Variants in PPP1R21 observed in about 807,000 individuals in gnomAD.
The protein encoded by PPP1R21 is KLRAQ motif containing 1.
A neutral mutation model predicts 112.8 loss-of-function variants in PPP1R21; 85 were observed. That is an observed-to-expected ratio of 0.75 (90% CI 0.63 to 0.90). The LOEUF (loss-of-function observed/expected upper bound fraction) is 0.90, where lower values mean the gene tolerates loss of function less well. Among genes scored for constraint, PPP1R21 ranks in the 40% least tolerant of loss-of-function variants. The pLI is 0.00. For missense variants in PPP1R21, 1,199 were observed against 901.5 expected (o/e 1.33, Z -4.23); for synonymous variants, 381 against 322.3 (o/e 1.18, Z -1.95).
intron 21 of PPP1R21, among the ~76,000 whole-genome samples, chr2:48,514,249 C>A (rs1424985599): frequency 6.6e-6 from 1 of 151,854 alleles, no homozygotes; most frequent in East Asian, 1.9e-4. Flanking sequence ...CCATGCCCGG[C>A]TAATTTTTTT....
chr2:48,447,514 C>T (rs1468639394), intron 1 of PPP1R21, among the ~76,000 whole-genome samples: 1 of 152,170 alleles, frequency 6.6e-6, no homozygotes, highest in Non-Finnish European at 1.5e-5. Flanking sequence ...TCAGTTATGT[C>T]ATATGCATTG....
At chr2:48,441,204 G>C (rs1667013449) in intron 1 of PPP1R21, 194 bp downstream of exon 1, 8 of 607,572 alleles carry the variant, frequency 1.3e-5, no homozygotes, top group Non-Finnish European at 1.2e-5. Flanking sequence ...GGCGGTGTCT[G>C]CGTCCGTGAG....
At chr2:48,483,615 T>C (rs2103906650) in intron 13 of PPP1R21, among the ~76,000 whole-genome samples, 2 of 152,330 alleles carry the variant, frequency 1.3e-5, no homozygotes, top group South Asian at 4.1e-4. Flanking sequence ...TTTAGCAAAG[T>C]AGTGCACATA....
Position 48,459,980 on chromosome 2 carries a change from T to C in PPP1R21, c.540+62T>C. The C allele has an allele frequency of 2.5e-6, 4 of 1,591,310 alleles. No individual in the cohort carries two copies. In the Middle Eastern group the frequency reaches 6.7e-4, roughly 266 times the overall value. On this transcript the variant is annotated intron_variant, in intron 5 of 21. Transcript: ENST00000294952. ...ACAGCTTTTGTATTAATAAATTGTCTATCCACTTAGAGTTAGTCATTTCTG... is the reference window on the plus strand; with the variant it reads ...ACAGCTTTTGTATTAATAAATTGTCCATCCACTTAGAGTTAGTCATTTCTG...
Position 48,458,878 on chromosome 2 carries a change from G to A in PPP1R21, c.375+651G>A, listed in dbSNP as rs559968942. 4.3e-3 allele frequency among the ~76,000 whole-genome samples: 656 copies of A among 152,112 alleles called. 2 individuals are homozygous for A. Among genetic ancestry groups the A allele is most frequent in the South Asian group, 0.012 (57 of 4,820 alleles). On this transcript the variant is annotated intron_variant, in intron 4 of 21. Coordinates refer to ENST00000294952, the MANE Select transcript of PPP1R21 (RefSeq NM_001135629.3). ...GAGGCCAAGGTGGGCGGATCACGAG[G>A]TCAGGAGATCGAGACCATCCTGGCT...
intron 13 of PPP1R21, among the ~76,000 whole-genome samples, chr2:48,483,468 C>T (rs76398101): frequency 8.9e-4 from 135 of 152,230 alleles, no homozygotes; most frequent in Non-Finnish European, 1.4e-3. Context: ...TAGGCGTGAG[C>T]CACTGCACCT....
intron 2 of PPP1R21, among the ~76,000 whole-genome samples, chr2:48,452,768 A>G (rs1667534112): frequency 1.3e-5 from 2 of 152,052 alleles, no homozygotes; most frequent in Admixed American, 6.6e-5. Context: ...TAGTTTGGAC[A>G]TGGGCTAGGC....
chr2:48,463,356 C>T (rs537292784), intron 7 of PPP1R21, among the ~76,000 whole-genome samples: 217 of 152,182 alleles, frequency 1.4e-3, no homozygotes, highest in African/African-American at 5.1e-3. Flanking sequence ...GTGGAGAGGT[C>T]AGAGGGTGAT....
At chr2:48,444,461 C>G (rs1422597438) in intron 1 of PPP1R21, among the ~76,000 whole-genome samples, 3 of 152,232 alleles carry the variant, frequency 2.0e-5, no homozygotes, top group Admixed American at 6.5e-5. Context: ...TTCTGATGCT[C>G]TGTTGTATCT....
chr2:48,468,156 C>G (rs1165015160), intron 9 of PPP1R21, among the ~76,000 whole-genome samples: 2 of 152,140 alleles, frequency 1.3e-5, no homozygotes, highest in African/African-American at 2.4e-5. Flanking sequence ...GTTTTCTCAT[C>G]TTTAAAATGG....
Position 48,495,491 on chromosome 2 carries a change from C to T in PPP1R21, c.1600-188C>T, listed in dbSNP as rs191702449. On this transcript the variant is annotated intron_variant, in intron 15 of 21. Coordinates refer to ENST00000294952, the MANE Select transcript of PPP1R21 (RefSeq NM_001135629.3). ...TGCTGGGATTATAGGTGTGAGCCACCGCGCCCAGGCTATTATTTTTCTTTT... is the reference window on the plus strand; with the variant it reads ...TGCTGGGATTATAGGTGTGAGCCACTGCGCCCAGGCTATTATTTTTCTTTT... Among the ~76,000 whole-genome samples the T allele has an allele frequency of 1.6e-4, 24 of 152,230 alleles. No individual in the cohort carries two copies. In the East Asian group the frequency reaches 2.9e-3, roughly 18 times the overall value.
chr2:48,459,774 G>C lies in PPP1R21; in HGVS notation c.396G>C (p.Gln132His). The C allele has an allele frequency of 6.2e-7, 1 of 1,613,804 alleles. No individual in the cohort carries two copies. Among genetic ancestry groups the C allele is most frequent in the Non-Finnish European group, 8.5e-7 (1 of 1,180,010 alleles). ...TTTAGTTTTTTGAAGCTGATGAGCA[G>C]CACAAGCATGTGGAAGCAGAGCTGA... Reference protein sequence around the residue: ...LHIQFFEADEQHKHVEAELRS... With the variant: ...LHIQFFEADEHHKHVEAELRS... Residue 132 changes from glutamine to histidine, a missense_variant, in exon 5 of 22, where the codon CAG (glutamine) becomes CAC (histidine). By Grantham distance (24) the Gln-to-His change is conservative (BLOSUM62 0). Transcript: ENST00000294952.
rs150039500 is a variant in PPP1R21, at chr2:48,453,275, T to G, written c.127-1320T>G. 7.2e-5 allele frequency among the ~76,000 whole-genome samples: 11 copies of G among 152,320 alleles called. No individual in the cohort carries two copies. The East Asian group carries it at 2.1e-3, about 29-fold the overall frequency. ...GGCCTAGGTTGCTGTTTCAATACAG[T>G]TAAATCATCTGTTCGTTAAAGCATG... is the stretch of plus-strand genomic sequence containing the variant. On this transcript the variant is annotated intron_variant, in intron 2 of 21. Coordinates refer to ENST00000294952, the MANE Select transcript of PPP1R21 (RefSeq NM_001135629.3).
chr2:48,496,723 T>C (rs971884535), intron 16 of PPP1R21, among the ~76,000 whole-genome samples: 12 of 152,230 alleles, frequency 7.9e-5, no homozygotes, highest in African/African-American at 2.9e-4. Flanking sequence ...TGCCTTGGCC[T>C]CCCAAAGTGC....
chr2:48,493,011 C>CTTTTTT (rs746795481), intron 15 of PPP1R21, among the ~76,000 whole-genome samples: 32 of 96,652 alleles, frequency 3.3e-4, no homozygotes, highest in Non-Finnish European at 3.9e-4. Flanking sequence ...GGTCATTTAC[C>CTTTTTT]TTTTTTTTTT....
chr2:48,510,260 A>C (rs1275568407), intron 20 of PPP1R21, 147 bp downstream of exon 20: 5 of 558,960 alleles, frequency 8.9e-6, no homozygotes, highest in Non-Finnish European at 1.6e-5. Flanking sequence ...TAAAAATAAC[A>C]TCTTACTTAT....
intron 1 of PPP1R21, among the ~76,000 whole-genome samples, chr2:48,449,731 A>T (rs1371079261): frequency 6.6e-6 from 1 of 151,928 alleles, no homozygotes; most frequent in Non-Finnish European, 1.5e-5. Flanking sequence ...AAAGATTTTT[A>T]AAAATTTTTT....
At chr2:48,469,052 G>C (rs1222626690) in intron 9 of PPP1R21, among the ~76,000 whole-genome samples, 4 of 151,700 alleles carry the variant, frequency 2.6e-5, no homozygotes, top group Admixed American at 2.0e-4. Flanking sequence ...AGAGAAAAAT[G>C]AGCAAGAAGC....
At chr2:48,494,053 C>G (rs1669692516) in intron 15 of PPP1R21, among the ~76,000 whole-genome samples, 1 of 92,132 alleles carries the variant, frequency 1.1e-5, no homozygotes, top group South Asian at 4.9e-4. Context: ...GAGACCTCGT[C>G]TCTCCAAAAA....
Sources: gnomAD v4.1 joint callset for allele counts (sites outside exome capture counted in the v4.1 genomes callset) on GRCh38, gnomAD v4.1.1 for gene constraint, MANE v1.5 for transcripts, NCBI Gene and HGNC (gene_info 2026-07-23, HGNC 2026-07-21) for gene names.